SLC9A8: variants seen among roughly 807,000 people sequenced by gnomAD.
SLC9A8 encodes sodium/hydrogen exchanger 8.
SLC9A8 carries 48 observed loss-of-function variants against 66.6 expected under a neutral mutation model. The ratio of observed to expected loss-of-function variants is 0.72; its 90% CI spans 0.57 to 0.92. SLC9A8 has a LOEUF of 0.92. SLC9A8 is among the 40% of genes least tolerant of loss of function. The pLI, the probability that SLC9A8 is intolerant of heterozygous loss-of-function variation, is 0.00. For missense variants in SLC9A8, 599 were observed against 747.3 expected, an observed-to-expected ratio of 0.80 and a Z score of 2.31; for synonymous variants, 274 against 282.6, an observed-to-expected ratio of 0.97 and a Z score of 0.31.
intron 1 of SLC9A8, among the ~76,000 whole-genome samples, chr20:49,814,796 A>G (rs1163723306): frequency 6.6e-6 from 1 of 152,126 alleles, no homozygotes; most frequent in African/African-American, 2.4e-5. Flanking sequence ...CTTGTCCTCT[A>G]AGTGGCTGTA....
intron 3 of SLC9A8, among the ~76,000 whole-genome samples, chr20:49,833,816 G>C (rs1349775305): frequency 6.6e-6 from 1 of 152,152 alleles, no homozygotes; most frequent in Non-Finnish European, 1.5e-5. Flanking sequence ...AATTGCTCCT[G>C]ATCCTCTGAA....
intron 10 of SLC9A8, among the ~76,000 whole-genome samples, chr20:49,868,338 G>A (rs1481243393): frequency 6.6e-6 from 1 of 152,222 alleles, no homozygotes; most frequent in African/African-American, 2.4e-5. Context: ...CTGGGTGAGG[G>A]AACCTGCTCT....
At chr20:49,876,232 A>G (rs976521109) in intron 11 of SLC9A8, among the ~76,000 whole-genome samples, 2 of 152,184 alleles carry the variant, frequency 1.3e-5, no homozygotes, top group African/African-American at 4.8e-5. Context: ...TTATTTGTAC[A>G]GCACCTCTCT....
chr20:49,821,299 A>G lies in SLC9A8; in HGVS notation c.209-1762A>G, dbSNP rs573774624. On this transcript the variant is annotated intron_variant, in intron 2 of 15. Coordinates refer to ENST00000361573, the MANE Select transcript of SLC9A8 (RefSeq NM_015266.3). ...AACTCTCTTGGTCTATTTTCTGTCC[A>G]CTTATGTGCTTATTTGCCGTTTTTT... Among the ~76,000 whole-genome samples, 156 of 152,354 alleles carry G rather than the reference A, an allele frequency of 1.0e-3. No homozygotes were observed. In the South Asian group the frequency reaches 0.011, roughly 10 times the overall value.
At chr20:49,815,999 C>T (rs1225034297) in intron 2 of SLC9A8, among the ~76,000 whole-genome samples, 1 of 152,232 alleles carries the variant, frequency 6.6e-6, no homozygotes, top group African/African-American at 2.4e-5. Context: ...CTTGCCCCAG[C>T]ACCCTGTTTT....
intron 12 of SLC9A8, among the ~76,000 whole-genome samples, chr20:49,879,799 C>CAAA (rs3091549): frequency 6.9e-6 from 1 of 143,900 alleles, no homozygotes; most frequent in African/African-American, 2.5e-5. Context: ...CACTCCATCT[C>CAAA]AAAAAAAAAA....
chr20:49,829,018 T>TTGA (rs1555829828), intron 3 of SLC9A8: 26,385 of 140,842 alleles, frequency 0.19, 2,555 homozygotes, highest in Middle Eastern at 0.22. Context: ...TTTTTTTTTT[T>TTGA]GAGAGAGAGA....
Position 49,845,084 on chromosome 20 carries a change from C to T in SLC9A8, c.397C>T (p.Pro133Ser), listed in dbSNP as rs1485050250. Reference protein sequence around the residue: ...PNMFFLLLLPPIIFESGYSLH... With the variant: ...PNMFFLLLLPSIIFESGYSLH... ...CATGTTTTTCCTCCTCCTGCTTCCC[C>T]CTATTATCTTTGAGTCTGGATATTC... Residue 133 changes from proline (P) to serine (S), a missense_variant, in exon 5 of 16, where the codon CCT (proline) becomes TCT (serine). Pro to Ser is a moderately conservative substitution (Grantham distance 74). Around this residue, in one of 2 missense-constraint regions of SLC9A8, gnomAD observed 467 missense variants for 626.5 expected, o/e 0.75. Coordinates refer to ENST00000361573, the MANE Select transcript of SLC9A8 (RefSeq NM_015266.3). 1 of 1,613,484 alleles carries T rather than the reference C, an allele frequency of 6.2e-7. No homozygotes were observed. The highest frequency in any genetic ancestry group is 8.5e-7 in the Non-Finnish European group (1 of 1,179,440).
chr20:49,876,341 T>C (rs541801041), intron 11 of SLC9A8, among the ~76,000 whole-genome samples: 1 of 152,342 alleles, frequency 6.6e-6, no homozygotes, highest in South Asian at 2.1e-4. Context: ...ACCCAGCAGT[T>C]TGGCAAATGT....
At chr20:49,814,125 C>G (rs988602579) in intron 1 of SLC9A8, among the ~76,000 whole-genome samples, 2 of 152,128 alleles carry the variant, frequency 1.3e-5, no homozygotes, top group African/African-American at 4.8e-5. Flanking sequence ...AGCAGCTGCT[C>G]CATCCCAGAC....
At chr20:49,820,776 C>T (rs930069985) in intron 2 of SLC9A8, among the ~76,000 whole-genome samples, 4 of 152,112 alleles carry the variant, frequency 2.6e-5, no homozygotes, top group African/African-American at 7.2e-5. Context: ...GAACTCCGAC[C>T]TCAGGTGATC....
At chr20:49,870,020 T>C (rs1469181944) in intron 10 of SLC9A8, among the ~76,000 whole-genome samples, 1 of 152,160 alleles carries the variant, frequency 6.6e-6, no homozygotes, top group Non-Finnish European at 1.5e-5. Flanking sequence ...CCATTTGCAC[T>C]ATGGAATCCT....
intron 14 of SLC9A8, 35 bp downstream of exon 14, chr20:49,884,101 G>A: frequency 6.3e-7 from 1 of 1,588,960 alleles, no homozygotes; most frequent in Non-Finnish European, 8.6e-7. Flanking sequence ...TGGGGCAGGG[G>A]GCTGGCCTGC....
At chr20:49,857,908 A>C (rs1484969391) in intron 8 of SLC9A8, among the ~76,000 whole-genome samples, 1 of 152,192 alleles carries the variant, frequency 6.6e-6, no homozygotes, top group Non-Finnish European at 1.5e-5. Flanking sequence ...GGTGCTCAAC[A>C]GGCCTTAAAA....
chr20:49,834,076 C>CT lies in SLC9A8; in HGVS notation c.290-5464dup, dbSNP rs1446336596. Among the ~76,000 whole-genome samples the CT allele has an allele frequency of 8.0e-5, 12 of 150,674 alleles. No individual in the cohort carries two copies. The South Asian group carries it at 2.3e-3, about 29-fold the overall frequency. On this transcript the variant is annotated intron_variant, in intron 3 of 15. Transcript: ENST00000361573. The stretch of plus-strand genomic sequence containing the variant: ...CCAGCTTGGCCAACATGGTGAAACT[C>CT]TGTCTCTGCTAAAAATACAAAAATT...
At chr20:49,844,553 G>A (rs139828411) in intron 4 of SLC9A8, among the ~76,000 whole-genome samples, 292 of 150,942 alleles carry the variant, frequency 1.9e-3, no homozygotes, top group Non-Finnish European at 3.0e-3. Context: ...GGAAGCTGAG[G>A]TGGGAGGATT....
At chr20:49,856,761 G>A (rs917526868) in intron 8 of SLC9A8, among the ~76,000 whole-genome samples, 2 of 151,120 alleles carry the variant, frequency 1.3e-5, no homozygotes, top group Non-Finnish European at 2.9e-5. Flanking sequence ...GGCGGAGGTT[G>A]CAGTGAGCCG....
rs778956797 is a variant in SLC9A8, at chr20:49,883,988, TCG to T, written c.1415_1416del (p.Arg472ProfsTer23). The T allele has an allele frequency of 6.2e-7, 1 of 1,613,468 alleles. No homozygotes were observed. Among genetic ancestry groups the T allele is most frequent in the African/African-American group, 1.3e-5 (1 of 74,904 alleles). ...TGGGCGGCAGCACCATGCCCCTCATTCGCCTCATGGACATCGAGGACGCCAAG... is the reference window on the plus strand; with the variant it reads ...TGGGCGGCAGCACCATGCCCCTCATTCCTCATGGACATCGAGGACGCCAAG... ...LLGGSTMPLI[R>X]LMDIEDAKAH... On this transcript the variant is annotated frameshift_variant, in exon 14 of 16. Coordinates refer to ENST00000361573, the MANE Select transcript of SLC9A8 (RefSeq NM_015266.3). LOFTEE classifies it high-confidence loss of function.
chr20:49,834,397 TATA>T (rs2146533609), intron 3 of SLC9A8, among the ~76,000 whole-genome samples: 1 of 73,964 alleles, frequency 1.4e-5, no homozygotes, highest in Admixed American at 1.4e-4. Context: ...TGTATATATA[TATA>T]CTGTGTATAT....
Sources: gnomAD v4.1 joint callset for allele counts (sites outside exome capture counted in the v4.1 genomes callset) on GRCh38, gnomAD v4.1.1 for gene constraint, gnomAD v4.1.1 regional missense constraint, MANE v1.5 for transcripts, NCBI Gene and HGNC (gene_info 2026-07-23, HGNC 2026-07-21) for gene names.